BANK1: variants seen among roughly 807,000 people sequenced by gnomAD.
BANK1 encodes B-cell scaffold protein with ankyrin repeats.
Under a neutral mutation model 94.5 loss-of-function variants are expected in BANK1, and 95 were observed. The ratio of observed to expected loss-of-function variants is 1.00; its 90% CI spans 0.85 to 1.19. BANK1 has a LOEUF of 1.19. Among genes scored for constraint, BANK1 ranks in the 50% most tolerant of loss-of-function variants. BANK1 has a pLI of 0.00. For synonymous variants in BANK1, 334 were observed against 308.4 expected (o/e 1.08, Z -0.87); for missense variants, 987 against 932.2 (o/e 1.06, Z -0.77).
chr4:102,030,331 G>A, intron 10 of BANK1, 66 bp downstream of exon 10: 1 of 1,452,794 alleles, frequency 6.9e-7, no homozygotes, highest in Non-Finnish European at 9.3e-7. Context: ...GATGGGAGGA[G>A]GGGATAAGGT....
chr4:101,929,578 G>T (rs1031151905), intron 7 of BANK1, among the ~76,000 whole-genome samples: 2 of 151,332 alleles, frequency 1.3e-5, no homozygotes, highest in African/African-American at 4.8e-5. Flanking sequence ...TCCTTAAATG[G>T]GTTAAACTGT....
At position 102,071,492 on chromosome 4, in the gene BANK1, G is replaced by A. The variant is rs546368280; in HGVS notation, c.2242+188G>A. ...GAAGCGACTATAAAATAGAAACACT[G>A]AAGGCACCATAACGTAATAAAAGGA... On this transcript the variant is annotated intron_variant, in intron 14 of 16. Coordinates refer to ENST00000322953, the MANE Select transcript of BANK1 (RefSeq NM_017935.5). Among the ~76,000 whole-genome samples, 2 of 152,240 alleles carry A rather than the reference G, an allele frequency of 1.3e-5. 1 individual carries two copies. Among genetic ancestry groups the A allele is most frequent in the South Asian group, 4.2e-4 (2 of 4,812 alleles).
At chr4:102,013,410 A>C (rs974433749) in intron 7 of BANK1, among the ~76,000 whole-genome samples, 2 of 152,096 alleles carry the variant, frequency 1.3e-5, no homozygotes, top group African/African-American at 4.8e-5. Flanking sequence ...TTATAATATC[A>C]ACATTATAAA....
intron 2 of BANK1, among the ~76,000 whole-genome samples, chr4:101,844,129 A>T (rs1391987549): frequency 1.3e-5 from 2 of 152,116 alleles, no homozygotes; most frequent in African/African-American, 4.8e-5. Context: ...TTGATTATGG[A>T]CATCCAGATA....
intron 2 of BANK1, 88 bp from the exon 3 acceptor site, chr4:101,854,947 G>C (rs181873867): frequency 3.8e-5 from 37 of 969,818 alleles, no homozygotes; most frequent in Non-Finnish European, 4.9e-5. Flanking sequence ...ATATTAAATT[G>C]GTTGTTTAGC....
intron 2 of BANK1, among the ~76,000 whole-genome samples, chr4:101,845,098 G>T (rs1727194869): frequency 6.6e-6 from 1 of 152,030 alleles, no homozygotes; most frequent in African/African-American, 2.4e-5. Flanking sequence ...GAAGCAAGCA[G>T]TTTCAAAATC....
intron 11 of BANK1, among the ~76,000 whole-genome samples, chr4:102,049,109 G>A (rs1427451433): frequency 6.6e-6 from 1 of 152,136 alleles, no homozygotes; most frequent in Non-Finnish European, 1.5e-5. Context: ...GCTCACAGAG[G>A]ACTGATTCAT....
chr4:101,993,488 A>C (rs1025100809), intron 7 of BANK1, among the ~76,000 whole-genome samples: 1 of 152,186 alleles, frequency 6.6e-6, no homozygotes, highest in Admixed American at 6.6e-5. Context: ...TGGGGCGTGG[A>C]GGTATACAGA....
intron 11 of BANK1, among the ~76,000 whole-genome samples, chr4:102,055,889 A>G (rs1014329600): frequency 6.6e-6 from 1 of 152,122 alleles, no homozygotes; most frequent in Middle Eastern, 3.2e-3. Flanking sequence ...ACAGTTTGAA[A>G]GAATGTTTCT....
intron 6 of BANK1, among the ~76,000 whole-genome samples, chr4:101,896,559 T>G (rs1293693645): frequency 2.0e-5 from 3 of 151,962 alleles, no homozygotes; most frequent in Non-Finnish European, 2.9e-5. Context: ...AGTAGTCTTG[T>G]GAAATTAGCG....
At chr4:102,072,262 A>G (rs1394315996) in intron 14 of BANK1, 83 bp from the exon 15 acceptor site, 12 of 1,165,918 alleles carry the variant, frequency 1.0e-5, no homozygotes, top group Non-Finnish European at 1.3e-5. Context: ...CCTTTGTAGA[A>G]ATCATTTTTA....
In BANK1 at chr4:102,027,689, TCTC is replaced by T. The variant is rs79340586; in HGVS notation, c.1594+2184_1594+2186del. Among the ~76,000 whole-genome samples the T allele has an allele frequency of 5.3e-3, 797 of 150,768 alleles. 16 individuals carry two copies. The East Asian group carries it at 0.063, about 12-fold the overall frequency. ...CTGAAGGAAAAAAAAAAAAAAGCCTTCTCCTCAGTGCTGTAGGCATCAAATTCC... is the reference window on the plus strand; with the variant it reads ...CTGAAGGAAAAAAAAAAAAAAGCCTTCTCAGTGCTGTAGGCATCAAATTCC... On this transcript the variant is annotated intron_variant, in intron 9 of 16. Transcript: ENST00000322953.
intron 13 of BANK1, 117 bp from the exon 14 acceptor site, chr4:102,071,157 GA>G (rs1728746368): frequency 2.6e-6 from 3 of 1,167,658 alleles, no homozygotes; most frequent in Non-Finnish European, 3.8e-6. Flanking sequence ...ATCAGAATGT[GA>G]GATTTCATAG....
chr4:101,918,619 G>T (rs1294763829), intron 7 of BANK1, among the ~76,000 whole-genome samples: 2 of 151,896 alleles, frequency 1.3e-5, no homozygotes, highest in Non-Finnish European at 2.9e-5. Flanking sequence ...AAAAGCAATT[G>T]TTTTTCTGGT....
At chr4:102,024,151 C>G (rs927205889) in intron 8 of BANK1, among the ~76,000 whole-genome samples, 1 of 152,134 alleles carries the variant, frequency 6.6e-6, no homozygotes, top group Admixed American at 6.5e-5. Flanking sequence ...CATGATTTTT[C>G]TACATTCTAC....
chr4:102,009,720 A>G (rs1726420955), intron 7 of BANK1, among the ~76,000 whole-genome samples: 1 of 152,226 alleles, frequency 6.6e-6, no homozygotes, highest in African/African-American at 2.4e-5. Context: ...AACCTACCTC[A>G]TAAAATTGTT....
At chr4:101,815,149 T>C (rs2148856265) in intron 1 of BANK1, among the ~76,000 whole-genome samples, 1 of 152,250 alleles carries the variant, frequency 6.6e-6, no homozygotes, top group South Asian at 2.1e-4. Flanking sequence ...TGTGAAATCC[T>C]AGAATTAGAG....
intron 7 of BANK1, among the ~76,000 whole-genome samples, chr4:101,986,811 G>GTATATATATGTGTATATATATGTA (rs1560668034): frequency 3.8e-5 from 5 of 131,912 alleles, no homozygotes; most frequent in Non-Finnish European, 7.9e-5. Flanking sequence ...GTATATATAT[G>GTATATATATGTGTATATATATGTA]TATATATATG....
chr4:101,913,669 T>C (rs966675826), intron 6 of BANK1, among the ~76,000 whole-genome samples: 2 of 152,222 alleles, frequency 1.3e-5, no homozygotes, highest in African/African-American at 4.8e-5. Flanking sequence ...TTTCGCCACC[T>C]GCCACATCCT....
Sources: gnomAD v4.1 joint callset for allele counts (sites outside exome capture counted in the v4.1 genomes callset) on GRCh38, gnomAD v4.1.1 for gene constraint, MANE v1.5 for transcripts, NCBI Gene and HGNC (gene_info 2026-07-23, HGNC 2026-07-21) for gene names.